The following NCAM2 variants were observed in gnomAD, a reference collection of about 807,000 sequenced individuals.
The protein encoded by NCAM2 is N-CAM-2.
Under a neutral mutation model 98.1 loss-of-function variants are expected in NCAM2, and 30 were observed. The observed-to-expected ratio is 0.31, with a 90% CI of 0.23 to 0.41. The LOEUF is 0.41. NCAM2 is among the 10% of genes least tolerant of loss of function. The pLI is 1.00. For missense variants in NCAM2, 867 were observed against 1,005.8 expected (o/e 0.86, Z 1.87); for synonymous variants, 368 against 342.4 (o/e 1.07, Z -0.83).
At chr21:21,524,136 G>T (rs1177593574) in intron 16 of NCAM2, among the ~76,000 whole-genome samples, 1 of 151,834 alleles carries the variant, frequency 6.6e-6, no homozygotes, top group African/African-American at 2.4e-5. Context: ...TCAAATGAAA[G>T]CAGGAATGGA....
At chr21:21,303,708 G>T (rs960582727) in intron 5 of NCAM2, among the ~76,000 whole-genome samples, 1 of 152,054 alleles carries the variant, frequency 6.6e-6, no homozygotes, top group African/African-American at 2.4e-5. Flanking sequence ...CAAAGTGATT[G>T]TACTATTTTA....
intron 1 of NCAM2, among the ~76,000 whole-genome samples, chr21:21,122,915 C>T (rs1427211784): frequency 2.6e-5 from 4 of 152,124 alleles, no homozygotes; most frequent in African/African-American, 9.7e-5. Flanking sequence ...CTCGTGTACA[C>T]TTGTGAGAAA....
Position 21,543,095 on chromosome 21 carries a change from TTATA to T in NCAM2, c.*5142_*5145del, listed in dbSNP as rs1990299109. ...CATACTATCTTTTATTTTCTTTAAT[TTATA>T]TATTCCATTCAAATTCTATATTCTT... On this transcript the variant is annotated 3_prime_UTR_variant, in exon 18 of 18. Transcript: ENST00000400546. 1.3e-5 allele frequency: 2 copies of T among 151,910 alleles called. No individual in the cohort carries two copies. Among genetic ancestry groups the T allele is most frequent in the African/African-American group, 4.8e-5 (2 of 41,426 alleles). 9.4% of individuals were successfully genotyped at this position (151,910 alleles called of 1,614,324 possible).
chr21:21,050,061 G>A (rs1238792692), intron 1 of NCAM2, among the ~76,000 whole-genome samples: 2 of 151,496 alleles, frequency 1.3e-5, no homozygotes. Flanking sequence ...CTGATCAAAT[G>A]ACTTCTCAAG....
chr21:21,225,397 C>G (rs1369194776), intron 1 of NCAM2, among the ~76,000 whole-genome samples: 1 of 151,892 alleles, frequency 6.6e-6, no homozygotes, highest in East Asian at 1.9e-4. Context: ...ACATGTACCC[C>G]AGATCTAAAA....
intron 1 of NCAM2, among the ~76,000 whole-genome samples, chr21:21,129,659 G>A (rs1358440855): frequency 2.0e-5 from 3 of 152,108 alleles, no homozygotes; most frequent in Non-Finnish European, 4.4e-5. Flanking sequence ...CGTAGTTGGT[G>A]CTAGCTAGCT....
chr21:21,387,187 T>TACACAC (rs61585220), intron 9 of NCAM2, among the ~76,000 whole-genome samples: 6,322 of 121,198 alleles, frequency 0.052, 172 homozygotes, highest in Non-Finnish European at 0.083. Flanking sequence ...CACACACACA[T>TACACAC]ACACACACAC....
At chr21:21,321,028 T>C (rs2074361620) in intron 5 of NCAM2, among the ~76,000 whole-genome samples, 1 of 152,164 alleles carries the variant, frequency 6.6e-6, no homozygotes, top group Non-Finnish European at 1.5e-5. Flanking sequence ...AGAATATAAA[T>C]AGAGAATGTT....
At chr21:21,110,985 A>ATT (rs1223814403) in intron 1 of NCAM2, among the ~76,000 whole-genome samples, 3 of 152,154 alleles carry the variant, frequency 2.0e-5, no homozygotes, top group African/African-American at 7.2e-5. Context: ...CTTACACAAA[A>ATT]AGAAATCATC....
chr21:21,520,721 G>A (rs955632504), intron 16 of NCAM2, among the ~76,000 whole-genome samples: 1 of 152,116 alleles, frequency 6.6e-6, no homozygotes, highest in African/African-American at 2.4e-5. Flanking sequence ...AATTGAAGAG[G>A]CAGAGAGGCA....
chr21:21,303,321 A>G (rs1033522684), intron 5 of NCAM2, among the ~76,000 whole-genome samples: 2 of 152,138 alleles, frequency 1.3e-5, no homozygotes, highest in African/African-American at 4.8e-5. Context: ...TAGTGAATGT[A>G]TCTATTATCC....
intron 5 of NCAM2, among the ~76,000 whole-genome samples, chr21:21,309,219 A>G (rs1568916952): frequency 6.6e-6 from 1 of 152,078 alleles, no homozygotes; most frequent in East Asian, 1.9e-4. Context: ...TCTTTTCATA[A>G]TAATTTTAGC....
At chr21:21,041,508 A>G (rs1211793071) in intron 1 of NCAM2, among the ~76,000 whole-genome samples, 1 of 152,182 alleles carries the variant, frequency 6.6e-6, no homozygotes, top group African/African-American at 2.4e-5. Flanking sequence ...GAGTCTTTAA[A>G]CCATTACCTC....
intron 1 of NCAM2, among the ~76,000 whole-genome samples, chr21:21,137,453 A>G (rs1233060769): frequency 1.3e-5 from 2 of 152,124 alleles, no homozygotes; most frequent in Non-Finnish European, 2.9e-5. Context: ...TTTATAAAAA[A>G]TGTTGGCCGG....
chr21:21,084,015 A>G (rs992703707), intron 1 of NCAM2, among the ~76,000 whole-genome samples: 14 of 152,126 alleles, frequency 9.2e-5, no homozygotes, highest in African/African-American at 3.4e-4. Flanking sequence ...AAACAACAGA[A>G]ATTTATTTCT....
At chr21:21,415,857 A>G (rs1228625917) in intron 10 of NCAM2, among the ~76,000 whole-genome samples, 1 of 152,142 alleles carries the variant, frequency 6.6e-6, no homozygotes, top group Non-Finnish European at 1.5e-5. Flanking sequence ...TTAAGGGAGT[A>G]TTGTGGTTGG....
Position 21,177,264 on chromosome 21 carries a change from TTTG to T in NCAM2, c.56-103311_56-103309del, listed in dbSNP as rs563157639. Reference sequence around the variant, plus strand: ...ACAAATAAATCAGTGTTAAACCCTGTTTGTTATTTTCTTTTGTATTTACTATAA... The same window carrying T: ...ACAAATAAATCAGTGTTAAACCCTGTTTATTTTCTTTTGTATTTACTATAA... On this transcript the variant is annotated intron_variant, in intron 1 of 17. Coordinates refer to ENST00000400546, the MANE Select transcript of NCAM2 (RefSeq NM_004540.5). Among the ~76,000 whole-genome samples, 448 of 152,190 alleles carry T rather than the reference TTTG, an allele frequency of 2.9e-3. 1 individual carries two copies. Among genetic ancestry groups the T allele is most frequent in the South Asian group, 0.013 (65 of 4,832 alleles).
chr21:21,468,410 T>A (rs1984000006), intron 13 of NCAM2, among the ~76,000 whole-genome samples: 1 of 151,982 alleles, frequency 6.6e-6, no homozygotes, highest in Non-Finnish European at 1.5e-5. Flanking sequence ...CTCAGAGCAT[T>A]TGCATATCAG....
intron 1 of NCAM2, among the ~76,000 whole-genome samples, chr21:21,079,043 G>T (rs111654370): frequency 0.037 from 5,602 of 152,150 alleles, 321 homozygotes; most frequent in African/African-American, 0.13. Flanking sequence ...TGGTGATGGG[G>T]GTAAGGGAAG....
Sources: gnomAD v4.1 joint callset for allele counts (sites outside exome capture counted in the v4.1 genomes callset) on GRCh38, gnomAD v4.1.1 for gene constraint, MANE v1.5 for transcripts, NCBI Gene and HGNC (gene_info 2026-07-23, HGNC 2026-07-21) for gene names.